TTC6: variants seen among roughly 807,000 people sequenced by gnomAD.
The protein encoded by TTC6 is tetratricopeptide repeat domain 6.
TTC6 carries 172 observed loss-of-function variants against 210.4 expected under a neutral mutation model. The observed-to-expected ratio is 0.82, with a 90% CI of 0.72 to 0.93. The LOEUF is 0.93. TTC6 is among the 40% of genes least tolerant of loss of function. The probability of loss-of-function intolerance (pLI) is 0.00; values close to 1 mark genes in which losing one functional copy is unlikely to be tolerated. For synonymous variants in TTC6, 804 were observed against 819.6 expected, an observed-to-expected ratio of 0.98 and a Z score of 0.32; for missense variants, 2,414 against 2,318.1, an observed-to-expected ratio of 1.04 and a Z score of -0.85.
intron 14 of TTC6, among the ~76,000 whole-genome samples, chr14:37,762,602 C>G (rs752288221): frequency 2.0e-5 from 3 of 152,156 alleles, no homozygotes; most frequent in Middle Eastern, 3.4e-3. Context: ...TATATGTCTT[C>G]TTTTGAGAAA....
intron 27 of TTC6, among the ~76,000 whole-genome samples, chr14:37,825,906 A>G (rs2096170009): frequency 6.6e-6 from 1 of 152,092 alleles, no homozygotes; most frequent in Non-Finnish European, 1.5e-5. Flanking sequence ...CTGGCGTTTC[A>G]CATGGTGGCT....
chr14:37,829,018 A>G (rs1012649818), intron 29 of TTC6, among the ~76,000 whole-genome samples: 9 of 152,114 alleles, frequency 5.9e-5, no homozygotes, highest in African/African-American at 1.9e-4. Context: ...TCAGCACTAC[A>G]GATTTCCTCC....
At chr14:37,757,566 C>A (rs1363254186) in intron 14 of TTC6, among the ~76,000 whole-genome samples, 1 of 152,142 alleles carries the variant, frequency 6.6e-6, no homozygotes, top group Admixed American at 6.5e-5. Context: ...AGCCACTGCG[C>A]CTGGCCTTCT....
intron 2 of TTC6, among the ~76,000 whole-genome samples, chr14:37,608,909 G>A (rs1042058365): frequency 3.9e-5 from 6 of 152,086 alleles, no homozygotes; most frequent in African/African-American, 1.2e-4. Context: ...GTTGGAAAGT[G>A]GCAAAAGCTA....
chr14:37,820,180 G>A (rs1396016886), intron 26 of TTC6, among the ~76,000 whole-genome samples: 1 of 152,206 alleles, frequency 6.6e-6, no homozygotes, highest in Non-Finnish European at 1.5e-5. Flanking sequence ...AGTGGCATCT[G>A]CTCATTTTTT....
chr14:37,784,989 C>T (rs766824949), intron 14 of TTC6, among the ~76,000 whole-genome samples: 1 of 152,190 alleles, frequency 6.6e-6, no homozygotes, highest in Non-Finnish European at 1.5e-5. Context: ...GCTGAGAGAT[C>T]AGCTGTTAAT....
exon 3 of TTC6, chr14:37,682,787 G>T (rs962073112): frequency 3.3e-6 from 5 of 1,535,556 alleles, no homozygotes; most frequent in Non-Finnish European, 4.4e-6. Context: ...CTGAAACCAT[G>T]TCAAGTATTC....
At chr14:37,651,413 ATATATATATATAT>A (rs2095711708) in intron 1 of TTC6, among the ~76,000 whole-genome samples, 1 of 22,928 alleles carries the variant, frequency 4.4e-5, no homozygotes. Context: ...ATATATATAT[ATATATATATATAT>A]TTTTTTTTTT....
chr14:37,639,473 A>G (rs2095687421), intron 1 of TTC6, among the ~76,000 whole-genome samples: 1 of 152,204 alleles, frequency 6.6e-6, no homozygotes, highest in Non-Finnish European at 1.5e-5. Flanking sequence ...CTATTGCCAA[A>G]TTAATTATAG....
intron 7 of TTC6, among the ~76,000 whole-genome samples, chr14:37,727,647 A>T (rs1264631896): frequency 6.6e-6 from 1 of 151,896 alleles, no homozygotes; most frequent in Non-Finnish European, 1.5e-5. Context: ...TTCTTTTTTT[A>T]AAAATAATAT....
intron 9 of TTC6, among the ~76,000 whole-genome samples, chr14:37,738,221 TTCTC>T (rs1264445932): frequency 1.3e-5 from 2 of 150,746 alleles, no homozygotes; most frequent in East Asian, 3.9e-4. Context: ...ATTAAGCTGA[TTCTC>T]TAATGATTAG....
chr14:37,807,512 C>G (rs1404347251), intron 23 of TTC6, 52 bp downstream of exon 25: 1 of 1,412,476 alleles, frequency 7.1e-7, no homozygotes, highest in Non-Finnish European at 9.4e-7. Flanking sequence ...GGCAGATTCT[C>G]TTATGCTAGG....
downstream of TTC6, chr14:37,842,613 A>T: frequency 6.0e-6 from 1 of 166,916 alleles, no homozygotes. Context: ...AAATAATACT[A>T]TACATTGTAG....
At chr14:37,841,719 T>C (rs369806917) in intron 30 of TTC6, 49 bp downstream of exon 32, 174 of 1,405,744 alleles carry the variant, frequency 1.2e-4, no homozygotes, top group Admixed American at 1.6e-4. Context: ...TTGAAGTGAT[T>C]ATTTTTAGGC....
intron 14 of TTC6, among the ~76,000 whole-genome samples, chr14:37,757,053 C>T (rs553873806): frequency 1.3e-5 from 2 of 152,078 alleles, no homozygotes; most frequent in South Asian, 2.1e-4. Context: ...TTCAGGGATT[C>T]GATTTCTTCC....
Position 37,724,965 on chromosome 14 carries a change from A to G in TTC6, c.1781A>G (p.Glu594Gly). 3 of 1,528,516 alleles carry G rather than the reference A, an allele frequency of 2.0e-6. No homozygotes were observed. The Admixed American group carries it at 5.9e-5, about 30-fold the overall frequency. The allele number at this position is 1,528,516 out of a possible 1,614,324, so 94.7% of individuals were successfully genotyped here. The change falls in exon 7 of 31, where the codon GAA becomes GGA. Residue 594 changes from glutamate (E) to glycine (G), a missense_variant. By Grantham distance (98) the Glu-to-Gly change is moderately conservative. Transcript: ENST00000553443. ...GCTGCACCTAAATTCTCTGTTCCAG[A>G]ATCTGTCATGAAGGAAACTCTATAT...
At chr14:37,777,770 GTTT>G (rs71127243) in intron 14 of TTC6, among the ~76,000 whole-genome samples, 55,516 of 136,132 alleles carry the variant, frequency 0.41, 11,189 homozygotes, top group Admixed American at 0.46. Flanking sequence ...CTTCGTGTAG[GTTT>G]TTTTTTTTTT....
At chr14:37,774,083 T>G (rs1279717511) in intron 14 of TTC6, among the ~76,000 whole-genome samples, 3 of 152,170 alleles carry the variant, frequency 2.0e-5, no homozygotes, top group Non-Finnish European at 4.4e-5. Flanking sequence ...TATGGAGGAA[T>G]GATACTTCTT....
chr14:37,834,163 G>A (rs1324736533), intron 29 of TTC6, among the ~76,000 whole-genome samples: 1 of 152,068 alleles, frequency 6.6e-6, no homozygotes, highest in Non-Finnish European at 1.5e-5. Context: ...ATGTGCCTTG[G>A]AGAGGGCCTT....
Sources: gnomAD v4.1 joint callset for allele counts (sites outside exome capture counted in the v4.1 genomes callset) on GRCh38, gnomAD v4.1.1 for gene constraint, MANE v1.5 for transcripts, NCBI Gene and HGNC (gene_info 2026-07-23, HGNC 2026-07-21) for gene names.